TSPAN17: variants seen among roughly 807,000 people sequenced by gnomAD.
TSPAN17 encodes tetraspanin 17.
A neutral mutation model predicts 40.5 loss-of-function variants in TSPAN17; 33 were observed. The observed-to-expected ratio is 0.81, with a 90% CI of 0.62 to 1.09. The LOEUF is 1.09. Ranked by LOEUF, TSPAN17 falls within the 50% of genes least tolerant of loss-of-function variation. The pLI, the probability that TSPAN17 is intolerant of heterozygous loss-of-function variation, is 0.00. For synonymous variants in TSPAN17, 166 were observed against 169.4 expected (o/e 0.98, Z 0.15); for missense variants, 365 against 416.8 (o/e 0.88, Z 1.08).
rs2113463638 is a variant in TSPAN17 at position 176,650,768 on chromosome 5, G to A, written c.88-848G>A. Among the ~76,000 whole-genome samples the A allele has an allele frequency of 6.6e-6, 1 of 152,328 alleles. No individual in the cohort carries two copies. Among genetic ancestry groups the A allele is most frequent in the East Asian group, 1.9e-4 (1 of 5,176 alleles). On this transcript the variant is annotated intron_variant, in intron 1 of 8. Coordinates refer to ENST00000508164, the MANE Select transcript of TSPAN17 (RefSeq NM_130465.5). The surrounding 1 kb of genome is among the most constrained non-coding windows in gnomAD (Gnocchi z 4.0). ...AAGCAGGTGGGTGGGGAGGTCGCAG[G>A]AGGTGGGGTCATGGCCCTGGGCTTG...
chr5:176,647,809 G>C lies in TSPAN17; in HGVS notation c.87+107G>C, dbSNP rs545216615. ...CCCTGCCCCAAGAGTTTGGAGCTCGGGACCATCCCCCCACTTCTGCCACAC... is the reference window on the plus strand; with the variant it reads ...CCCTGCCCCAAGAGTTTGGAGCTCGCGACCATCCCCCCACTTCTGCCACAC... On this transcript the variant is annotated intron_variant, in intron 1 of 8. Transcript: ENST00000508164. 1.3e-4 allele frequency: 151 copies of C among 1,121,002 alleles called. 1 individual carries two copies. Among genetic ancestry groups the C allele is most frequent in the Non-Finnish European group, 1.8e-4 (149 of 805,634 alleles). 69.4% of individuals were successfully genotyped at this position (1,121,002 alleles called of 1,614,324 possible).
chr5:176,649,001 G>A (rs942416783), intron 1 of TSPAN17, among the ~76,000 whole-genome samples: 1 of 152,156 alleles, frequency 6.6e-6, no homozygotes, highest in Non-Finnish European at 1.5e-5. Flanking sequence ...CTCAAATACC[G>A]AGGGGGAGCA....
intron 5 of TSPAN17, 33 bp downstream of exon 5, chr5:176,655,053 C>T: frequency 6.3e-7 from 1 of 1,576,644 alleles, no homozygotes; most frequent in African/African-American, 1.3e-5. Flanking sequence ...AGGTAAGGGA[C>T]TTTCCAGTGC....
chr5:176,647,819 C>A, intron 1 of TSPAN17, 117 bp downstream of exon 1: 1 of 976,806 alleles, frequency 1.0e-6, no homozygotes, highest in Non-Finnish European at 1.5e-6. Context: ...GGACCATCCC[C>A]CCACTTCTGC....
chr5:176,652,329 C>G (rs909207646), intron 3 of TSPAN17, among the ~76,000 whole-genome samples: 2 of 152,222 alleles, frequency 1.3e-5, no homozygotes, highest in Non-Finnish European at 2.9e-5. Context: ...TCCCAAAGTG[C>G]TTTAATTGCG....
At position 176,656,925 on chromosome 5, in the gene TSPAN17, G is replaced by A; in HGVS notation, c.778G>A (p.Val260Met). 4 of 1,614,130 alleles carry A rather than the reference G, an allele frequency of 2.5e-6. No individual in the cohort carries two copies. The highest frequency in any genetic ancestry group is 2.2e-5 in the East Asian group (1 of 44,876). ...IFGICLAQNLVSDIKAVKANW... is the reference protein window; with the variant it reads ...IFGICLAQNLMSDIKAVKANW... ...TGGCATCTGCCTGGCCCAGAACCTCGTGAGTGACATCAAGGCAGTGAAAGC... is the reference window on the plus strand; with the variant it reads ...TGGCATCTGCCTGGCCCAGAACCTCATGAGTGACATCAAGGCAGTGAAAGC... The change falls in exon 8 of 9, where the codon GTG becomes ATG. Residue 260 changes from valine to methionine, a missense_variant. Transcript: ENST00000508164.
chr5:176,649,585 G>A (rs1481967048), intron 1 of TSPAN17, among the ~76,000 whole-genome samples: 6 of 152,006 alleles, frequency 3.9e-5, no homozygotes, highest in Non-Finnish European at 7.4e-5. Context: ...GTGCCACCAC[G>A]CCTGGCTAAT....
Position 176,654,987 on chromosome 5 carries a change from G to C in TSPAN17, c.549G>C (p.Gly183=), listed in dbSNP as rs1377431608. 2 of 1,610,488 alleles carry C rather than the reference G, an allele frequency of 1.2e-6. No homozygotes were observed. ...TGAACCCCAGCCGGGAGCGCTGCGG[G>C]GTGCCCTTCTCCTGCTGCGTCAGGG... The part of the protein sequence containing the change: ...TDLNPSRERC[G]VPFSCCVRDP... Residue 183 remains glycine (G), a synonymous_variant, in exon 5 of 9, where the codon GGG becomes GGC. Coordinates refer to ENST00000508164, the MANE Select transcript of TSPAN17 (RefSeq NM_130465.5). This position sits in a 1 kb window ranked among gnomAD's most constrained non-coding sequence, Gnocchi z 4.3.
chr5:176,652,684 C>CT lies in TSPAN17; in HGVS notation c.286-58dup, dbSNP rs1486400271. 6 of 1,569,116 alleles carry CT rather than the reference C, an allele frequency of 3.8e-6. No homozygotes were observed. In the African/African-American group the frequency reaches 4.0e-5, roughly 11 times the overall value. On this transcript the variant is annotated intron_variant, in intron 3 of 8. Coordinates refer to ENST00000508164, the MANE Select transcript of TSPAN17 (RefSeq NM_130465.5). Reference sequence around the variant, plus strand: ...CCCTTCCCTGTGGCACACCCAAGCCCTGGGAGGTCACCAGAGCCCTGCGTT... The same window carrying CT: ...CCCTTCCCTGTGGCACACCCAAGCCCTTGGGAGGTCACCAGAGCCCTGCGTT...
Position 176,657,959 on chromosome 5 carries a change from C to A in TSPAN17, c.*261C>A. ...CACGGGGACCTGAAGGATGGAGAGG[C>A]TGGACCCCGCTTTGAAGAGGGTGCA... On this transcript the variant is annotated 3_prime_UTR_variant, in exon 9 of 9. Transcript: ENST00000508164. 1 of 468,260 alleles carries A rather than the reference C, an allele frequency of 2.1e-6. No homozygotes were observed. Among genetic ancestry groups the A allele is most frequent in the Non-Finnish European group, 3.4e-6 (1 of 291,394 alleles). The allele number at this position is 468,260 out of a possible 1,614,324, so 29.0% of individuals were successfully genotyped here.
intron 1 of TSPAN17, among the ~76,000 whole-genome samples, chr5:176,649,563 G>A (rs1023286783): frequency 1.3e-5 from 2 of 152,104 alleles, no homozygotes; most frequent in African/African-American, 2.4e-5. Flanking sequence ...AAGTAGCTGG[G>A]ACTATAGGTG....
chr5:176,650,306 G>C lies in TSPAN17; in HGVS notation c.88-1310G>C, dbSNP rs1465972419. Among the ~76,000 whole-genome samples the C allele has an allele frequency of 6.6e-6, 1 of 152,184 alleles. No homozygotes were observed. Among genetic ancestry groups the C allele is most frequent in the Non-Finnish European group, 1.5e-5 (1 of 68,038 alleles). The stretch of plus-strand genomic sequence containing the variant: ...GCTGGAGGCCGTGGGACCAGCCACA[G>C]GTGGTCCCTCCAGGAACACAGCCCT... On this transcript the variant is annotated intron_variant, in intron 1 of 8. Coordinates refer to ENST00000508164, the MANE Select transcript of TSPAN17 (RefSeq NM_130465.5). The surrounding 1 kb of genome is among the most constrained non-coding windows in gnomAD (Gnocchi z 4.0).
rs939571425 is a variant in TSPAN17, at chr5:176,650,558, G to C, written c.88-1058G>C. ...GTCCCCTGTCTGAAGGCCAAGGGCAGGCCAAGTGGGAGGAGGCAGGAGAAG... is the reference window on the plus strand; with the variant it reads ...GTCCCCTGTCTGAAGGCCAAGGGCACGCCAAGTGGGAGGAGGCAGGAGAAG... On this transcript the variant is annotated intron_variant, in intron 1 of 8. Transcript: ENST00000508164. The surrounding 1 kb of genome is among the most constrained non-coding windows in gnomAD (Gnocchi z 4.0). Among the ~76,000 whole-genome samples, 4 of 152,150 alleles carry C rather than the reference G, an allele frequency of 2.6e-5. No homozygotes were observed. Among genetic ancestry groups the C allele is most frequent in the African/African-American group, 9.7e-5 (4 of 41,428 alleles).
At position 176,657,980 on chromosome 5, in the gene TSPAN17, G is replaced by C. The variant is rs1299181820; in HGVS notation, c.*282G>C. On this transcript the variant is annotated 3_prime_UTR_variant, in exon 9 of 9. Transcript: ENST00000508164. Reference sequence around the variant, plus strand: ...GAGGCTGGACCCCGCTTTGAAGAGGGTGCAGCCTGGGAAGGGCGGCCTTGC... The same window carrying C: ...GAGGCTGGACCCCGCTTTGAAGAGGCTGCAGCCTGGGAAGGGCGGCCTTGC... The C allele has an allele frequency of 2.9e-5, 11 of 374,772 alleles. No individual in the cohort carries two copies. The highest frequency in any genetic ancestry group is 5.0e-5 in the Non-Finnish European group (11 of 221,342). 23.2% of individuals were successfully genotyped at this position (374,772 alleles called of 1,614,324 possible). A position where few individuals can be genotyped will look rare whatever the true frequency, so the allele number is the denominator to read the frequency against.
In TSPAN17 at chr5:176,651,562, G is replaced by A; in HGVS notation, c.88-54G>A. ...CCTGGCTACCGGGGAAGGATGAGGG[G>A]GGAGGGTCCTGGGGCTGCTCCCAGC... On this transcript the variant is annotated intron_variant, in intron 1 of 8. Transcript: ENST00000508164. This position sits in a 1 kb window ranked among gnomAD's most constrained non-coding sequence, Gnocchi z 4.5. The A allele has an allele frequency of 6.4e-7, 1 of 1,559,766 alleles. No homozygotes were observed. Among genetic ancestry groups the A allele is most frequent in the South Asian group, 1.2e-5 (1 of 84,792 alleles).
chr5:176,656,742 G>A lies in TSPAN17; in HGVS notation c.673G>A (p.Gly225Ser). The change falls in exon 7 of 9, where the codon GGC becomes AGC. Residue 225 changes from glycine (G) to serine (S), a missense_variant. By Grantham distance (56) the Gly-to-Ser change is moderately conservative (BLOSUM62 0). Transcript: ENST00000508164. Reference sequence around the variant, plus strand: ...CTTCATCCACACCAAAGGCTGCGTGGGCCAGTTTGAGAAGTGGCTGCAGGA... The same window carrying A: ...CTTCATCCACACCAAAGGCTGCGTGAGCCAGTTTGAGAAGTGGCTGCAGGA... Reference protein sequence around the residue: ...QGFIHTKGCVGQFEKWLQDNL... With the variant: ...QGFIHTKGCVSQFEKWLQDNL... The A allele has an allele frequency of 1.2e-6, 2 of 1,614,188 alleles. No homozygotes were observed. Among genetic ancestry groups the A allele is most frequent in the Non-Finnish European group, 8.5e-7 (1 of 1,180,010 alleles).
In TSPAN17 at chr5:176,647,877, C is replaced by T. The variant is rs149180058; in HGVS notation, c.87+175C>T. 1.5e-4 allele frequency among the ~76,000 whole-genome samples: 22 copies of T among 151,542 alleles called. No homozygotes were observed. The East Asian group carries it at 3.9e-3, about 27-fold the overall frequency. On this transcript the variant is annotated intron_variant, in intron 1 of 8. Coordinates refer to ENST00000508164, the MANE Select transcript of TSPAN17 (RefSeq NM_130465.5). ...ACCACCCGAGGTAGCTACAGAGGCC[C>T]GGATTGCTGGGGGCGGGTCCTAGCG...
In TSPAN17 at chr5:176,654,888, C is replaced by G. The variant is rs1238877396; in HGVS notation, c.457-7C>G. ...GGCTCACCTGGGGCTCTCCCCTGCC[C>G]CCACAGTGGTCTTGCTGCGGAGCCC... On this transcript the variant is annotated splice_polypyrimidine_tract_variant and splice_region_variant and intron_variant, in intron 4 of 8. Coordinates refer to ENST00000508164, the MANE Select transcript of TSPAN17 (RefSeq NM_130465.5). This position sits in a 1 kb window ranked among gnomAD's most constrained non-coding sequence, Gnocchi z 4.3. 1 of 1,613,660 alleles carries G rather than the reference C, an allele frequency of 6.2e-7. No individual in the cohort carries two copies. Among genetic ancestry groups the G allele is most frequent in the South Asian group, 1.1e-5 (1 of 90,990 alleles).
In TSPAN17 at chr5:176,654,993, C is replaced by T; in HGVS notation, c.555C>T (p.Pro185=). The change falls in exon 5 of 9, where the codon CCC becomes CCT. Residue 185 remains proline, a synonymous_variant. Coordinates refer to ENST00000508164, the MANE Select transcript of TSPAN17 (RefSeq NM_130465.5). This position sits in a 1 kb window ranked among gnomAD's most constrained non-coding sequence, Gnocchi z 4.3. ...CCAGCCGGGAGCGCTGCGGGGTGCC[C>T]TTCTCCTGCTGCGTCAGGGACCCTG... The part of the protein sequence containing the change: ...LNPSRERCGV[P]FSCCVRDPAE... 1 of 1,609,340 alleles carries T rather than the reference C, an allele frequency of 6.2e-7. No homozygotes were observed. Among genetic ancestry groups the T allele is most frequent in the African/African-American group, 1.3e-5 (1 of 74,984 alleles).
Sources: allele counts gnomAD v4.1 joint callset (sites outside exome capture counted in the v4.1 genomes callset), GRCh38; gene constraint gnomAD v4.1.1; non-coding constraint Gnocchi (gnomAD v3.1); transcripts MANE v1.5; gene names NCBI Gene and HGNC (gene_info 2026-07-23, HGNC 2026-07-21).